MAOB: variants seen among roughly 807,000 people sequenced by gnomAD.
MAOB encodes the protein monoamine oxidase B.
Under a neutral mutation model 41.9 loss-of-function variants are expected in MAOB, and 15 were observed. That is an observed-to-expected ratio of 0.36 (90% CI 0.24 to 0.55). The LOEUF is 0.55. Among genes scored for constraint, MAOB ranks in the 20% least tolerant of loss-of-function variants. MAOB has a pLI of 0.86. For missense variants in MAOB, 345 were observed against 398.7 expected, an observed-to-expected ratio of 0.87 and a Z score of 1.15; for synonymous variants, 167 against 144.2, an observed-to-expected ratio of 1.16 and a Z score of -1.13.
rs1314038250 is a variant in MAOB, at chrX:43,767,553, C to G, written c.1476G>C (p.Leu492=). ...LERHLPSVPG[L]LRLIGLTTIF... is the part of the protein sequence containing the mutation. ...TGGTGGTCAATCCAATCAGCCTGAGCAGGCCTGGCACGGAGGGCAAATGTC... is the reference window on the plus strand; with the variant it reads ...TGGTGGTCAATCCAATCAGCCTGAGGAGGCCTGGCACGGAGGGCAAATGTC... The change falls in exon 15 of 15, where the codon CTG becomes CTC. Residue 492 remains leucine (L), a synonymous_variant. Coordinates refer to ENST00000378069, the MANE Select transcript of MAOB (RefSeq NM_000898.5). 1 of 1,210,312 alleles carries G rather than the reference C, an allele frequency of 8.3e-7. No individual in the cohort carries two copies. The highest frequency in any genetic ancestry group is 3.0e-5 in the East Asian group (1 of 33,796).
intron 3 of MAOB, among the ~76,000 whole-genome samples, chrX:43,806,814 G>GTT (rs1178090702): frequency 1.8e-5 from 2 of 111,698 alleles, no homozygotes; most frequent in African/African-American, 6.5e-5. Flanking sequence ...TATACCTTGT[G>GTT]TTATAATCTA....
intron 1 of MAOB, among the ~76,000 whole-genome samples, chrX:43,850,032 G>A (rs1006176933): frequency 1.8e-5 from 2 of 111,826 alleles, no homozygotes; most frequent in African/African-American, 6.5e-5. Flanking sequence ...GCACTCACAC[G>A]CATTCAATCC....
chrX:43,789,572 G>A (rs2034439039), intron 8 of MAOB, among the ~76,000 whole-genome samples: 1 of 112,123 alleles, frequency 8.9e-6, no homozygotes, highest in African/African-American at 3.2e-5. Context: ...TTCCACAGAA[G>A]TGGGCTAGAA....
rs73473852 is a variant in MAOB, at chrX:43,814,670, T to C, written c.280-11266A>G. On this transcript the variant is annotated intron_variant, in intron 3 of 14. Coordinates refer to ENST00000378069, the MANE Select transcript of MAOB (RefSeq NM_000898.5). Reference sequence around the variant, plus strand: ...TCCCATAATGCTTAAGAATGTTATATATTCAATTGGTGTTTGACATGCATG... The same window carrying C: ...TCCCATAATGCTTAAGAATGTTATACATTCAATTGGTGTTTGACATGCATG... Among the ~76,000 whole-genome samples, 968 of 112,008 alleles carry C rather than the reference T, an allele frequency of 8.6e-3. 13 individuals are homozygous for C. Among genetic ancestry groups the C allele is most frequent in the African/African-American group, 0.03 (931 of 30,812 alleles).
At chrX:43,796,528 G>A (rs1378218097) in intron 6 of MAOB, among the ~76,000 whole-genome samples, 2 of 110,986 alleles carry the variant, frequency 1.8e-5, no homozygotes, top group Non-Finnish European at 3.8e-5. Flanking sequence ...TAAGGTCAGA[G>A]AAGGAGAAGG....
chrX:43,832,512 T>G (rs2035029922), intron 3 of MAOB, among the ~76,000 whole-genome samples: 1 of 111,626 alleles, frequency 9.0e-6, no homozygotes, highest in Admixed American at 9.5e-5. Context: ...CTACTCAATG[T>G]GAAGATGATG....
intron 3 of MAOB, among the ~76,000 whole-genome samples, chrX:43,822,034 A>G (rs1388342841): frequency 8.9e-6 from 1 of 112,219 alleles, no homozygotes; most frequent in Non-Finnish European, 1.9e-5. Context: ...CTTTCTCTAC[A>G]GAGAGAGCCT....
intron 12 of MAOB, among the ~76,000 whole-genome samples, chrX:43,773,489 C>T (rs762428436): frequency 1.9e-4 from 22 of 112,863 alleles, no homozygotes; most frequent in African/African-American, 5.8e-4. Flanking sequence ...CAGCACAGTG[C>T]TTCGCAAATG....
At position 43,882,366 on chromosome X, in the gene MAOB, C is replaced by T; in HGVS notation, c.-67G>A. The T allele has an allele frequency of 8.7e-7, 1 of 1,150,449 alleles. No individual in the cohort carries two copies. The highest frequency in any genetic ancestry group is 1.2e-6 in the Non-Finnish European group (1 of 866,441). 94.8% of individuals were successfully genotyped at this position (1,150,449 alleles called of 1,213,427 possible). A position where few individuals can be genotyped will look rare whatever the true frequency, so the allele number is the denominator to read the frequency against. Reference sequence around the variant, plus strand: ...CGTTTTCTGGGCCTCGATCCCAGTCCTGCCTGCCAGCCAGCCCGCCCGCCT... The same window carrying T: ...CGTTTTCTGGGCCTCGATCCCAGTCTTGCCTGCCAGCCAGCCCGCCCGCCT... On this transcript the variant is annotated 5_prime_UTR_variant, in exon 1 of 15. Coordinates refer to ENST00000378069, the MANE Select transcript of MAOB (RefSeq NM_000898.5).
intron 3 of MAOB, among the ~76,000 whole-genome samples, chrX:43,818,070 G>A (rs1046822072): frequency 1.2e-4 from 13 of 112,013 alleles, no homozygotes; most frequent in African/African-American, 4.2e-4. Context: ...TTAGTGGCCA[G>A]AAGAGATTCA....
chrX:43,789,631 G>A (rs186579165), intron 8 of MAOB, among the ~76,000 whole-genome samples: 96 of 111,328 alleles, frequency 8.6e-4, no homozygotes, highest in African/African-American at 2.6e-3. Flanking sequence ...CGGTGAGGGC[G>A]GCTAGACTTA....
intron 3 of MAOB, among the ~76,000 whole-genome samples, chrX:43,824,173 C>T (rs781658578): frequency 1.8e-5 from 2 of 112,165 alleles, no homozygotes; most frequent in Non-Finnish European, 3.8e-5. Context: ...CAGCAGGATC[C>T]TAAGAATACT....
intron 3 of MAOB, among the ~76,000 whole-genome samples, chrX:43,831,209 G>C (rs1259916238): frequency 2.7e-5 from 3 of 111,494 alleles, no homozygotes; most frequent in Admixed American, 9.6e-5. Flanking sequence ...TGTAACCCAG[G>C]AGACTGCTGC....
At chrX:43,804,792 A>G (rs904898780) in intron 3 of MAOB, among the ~76,000 whole-genome samples, 2 of 111,733 alleles carry the variant, frequency 1.8e-5, no homozygotes, top group Non-Finnish European at 3.8e-5. Context: ...GTCCATTCAC[A>G]TTATGGAAGT....
At chrX:43,840,949 A>G (rs1345026682) in intron 2 of MAOB, among the ~76,000 whole-genome samples, 1 of 106,036 alleles carries the variant, frequency 9.4e-6, no homozygotes, top group African/African-American at 3.5e-5. Context: ...GTGGGACAGA[A>G]CCGTTCACTC....
intron 3 of MAOB, among the ~76,000 whole-genome samples, chrX:43,831,288 C>T (rs886903413): frequency 1.6e-4 from 18 of 111,506 alleles, no homozygotes; most frequent in Admixed American, 2.9e-4. Flanking sequence ...AGATCATGAG[C>T]TTTCCAAAGT....
chrX:43,878,121 G>C (rs1309436002), intron 1 of MAOB, among the ~76,000 whole-genome samples: 2 of 111,651 alleles, frequency 1.8e-5, no homozygotes, highest in Non-Finnish European at 3.8e-5. Flanking sequence ...GGCATTATGA[G>C]TCTCATTTTA....
rs186023114 is a variant in MAOB at position 43,782,104 on chromosome X, C to T, written c.929-560G>A. 8.3e-3 allele frequency among the ~76,000 whole-genome samples: 920 copies of T among 110,919 alleles called. 11 individuals are homozygous for T. The highest frequency in any genetic ancestry group is 0.029 in the African/African-American group (881 of 30,531). Reference sequence around the variant, plus strand: ...CTAGAGAAGCAAGAGCAAACAAATTCAAAAGCTAGCAGAAGACAAGAAATA... The same window carrying T: ...CTAGAGAAGCAAGAGCAAACAAATTTAAAAGCTAGCAGAAGACAAGAAATA... On this transcript the variant is annotated intron_variant, in intron 8 of 14. Transcript: ENST00000378069.
At chrX:43,832,696 G>A (rs1306420633) in intron 3 of MAOB, among the ~76,000 whole-genome samples, 1 of 111,794 alleles carries the variant, frequency 8.9e-6, no homozygotes. Context: ...TTAACAGCAA[G>A]CTATTAGTAG....
Sources: allele counts gnomAD v4.1 joint callset (sites outside exome capture counted in the v4.1 genomes callset), GRCh38; gene constraint gnomAD v4.1.1; transcripts MANE v1.5; gene names NCBI Gene and HGNC (gene_info 2026-07-23, HGNC 2026-07-21).